ZNF804A: variants seen among roughly 807,000 people sequenced by gnomAD.
ZNF804A encodes the protein zinc finger protein 804A.
ZNF804A carries 2 observed loss-of-function variants against 16.5 expected under a neutral mutation model. That is an observed-to-expected ratio of 0.12 (90% CI 0.05 to 0.38). The LOEUF (loss-of-function observed/expected upper bound fraction) is 0.38, where lower values mean the gene tolerates loss of function less well. Ranked by LOEUF, ZNF804A falls within the 10% of genes least tolerant of loss-of-function variation. The pLI, the probability that ZNF804A is intolerant of heterozygous loss-of-function variation, is 0.99. For synonymous variants in ZNF804A, 534 were observed against 489.6 expected (o/e 1.09, Z -1.20); for missense variants, 1,473 against 1,390.7 (o/e 1.06, Z -0.94).
chr2:184,620,502 A>G (rs1279270224), intron 1 of ZNF804A, among the ~76,000 whole-genome samples: 1 of 151,772 alleles, frequency 6.6e-6, no homozygotes, highest in East Asian at 1.9e-4. Context: ...AAAATTGGCA[A>G]AACGAACTCA....
At chr2:184,812,158 A>C (rs552566047) in intron 1 of ZNF804A, among the ~76,000 whole-genome samples, 2 of 152,340 alleles carry the variant, frequency 1.3e-5, no homozygotes, top group South Asian at 4.1e-4. Context: ...TTTGAATATC[A>C]GTTACCTGGC....
intron 1 of ZNF804A, among the ~76,000 whole-genome samples, chr2:184,858,379 C>T (rs935000862): frequency 1.3e-5 from 2 of 151,670 alleles, no homozygotes; most frequent in African/African-American, 4.8e-5. Flanking sequence ...TGGCACACAT[C>T]TGTAATTCCA....
chr2:184,606,657 C>A (rs1691151329), intron 1 of ZNF804A, among the ~76,000 whole-genome samples: 1 of 152,142 alleles, frequency 6.6e-6, no homozygotes, highest in Admixed American at 6.5e-5. Context: ...GCCTGATAAC[C>A]AGCTGAAAAA....
chr2:184,810,038 G>C (rs1220516359), intron 1 of ZNF804A, among the ~76,000 whole-genome samples: 1 of 152,114 alleles, frequency 6.6e-6, no homozygotes, highest in Non-Finnish European at 1.5e-5. Context: ...TTAGGTTTTT[G>C]TCTGCAGATT....
At chr2:184,722,536 T>C (rs1177547301) in intron 1 of ZNF804A, among the ~76,000 whole-genome samples, 1 of 152,054 alleles carries the variant, frequency 6.6e-6, no homozygotes, top group African/African-American at 2.4e-5. Flanking sequence ...TTTATAATTA[T>C]TGAAGAAAAG....
chr2:184,622,889 G>A lies in ZNF804A; in HGVS notation c.111+23819G>A, dbSNP rs1219168245. On this transcript the variant is annotated intron_variant, in intron 1 of 3. Coordinates refer to ENST00000302277, the MANE Select transcript of ZNF804A (RefSeq NM_194250.2). The stretch of plus-strand genomic sequence containing the variant: ...ACTTGAAAATAGCATTTGAAGAAGA[G>A]GTGCCCACACAACAAAGATATGATA... Among the ~76,000 whole-genome samples, 5 of 152,018 alleles carry A rather than the reference G, an allele frequency of 3.3e-5. No homozygotes were observed. In the East Asian group the frequency reaches 7.7e-4, roughly 23 times the overall value.
Position 184,767,435 on chromosome 2 carries a change from G to A in ZNF804A, c.112-98934G>A, listed in dbSNP as rs117452038. 1.1e-3 allele frequency among the ~76,000 whole-genome samples: 162 copies of A among 152,138 alleles called. 2 individuals are homozygous for A. The East Asian group carries it at 0.015, about 15-fold the overall frequency. ...CACAGAAAGTAGAATGAGTTACCACGGGTTTGTGGAAGGGGGAAATGGAGA... is the reference window on the plus strand; with the variant it reads ...CACAGAAAGTAGAATGAGTTACCACAGGTTTGTGGAAGGGGGAAATGGAGA... On this transcript the variant is annotated intron_variant, in intron 1 of 3. Coordinates refer to ENST00000302277, the MANE Select transcript of ZNF804A (RefSeq NM_194250.2).
intron 1 of ZNF804A, among the ~76,000 whole-genome samples, chr2:184,756,217 G>A (rs1693957216): frequency 1.3e-5 from 2 of 151,086 alleles, no homozygotes; most frequent in African/African-American, 2.4e-5. Context: ...TATTTAAAAG[G>A]GACTTTATTG....
intron 2 of ZNF804A, among the ~76,000 whole-genome samples, chr2:184,891,771 C>T (rs1002448930): frequency 2.6e-5 from 4 of 152,112 alleles, no homozygotes; most frequent in African/African-American, 9.7e-5. Context: ...AAAGAATTAA[C>T]TTTATCCAGT....
chr2:184,670,761 A>G (rs1325984731), intron 1 of ZNF804A, among the ~76,000 whole-genome samples: 1 of 152,076 alleles, frequency 6.6e-6, no homozygotes, highest in Non-Finnish European at 1.5e-5. Context: ...GAGTAAAGAC[A>G]TCTTCTATTG....
chr2:184,752,358 C>T (rs989942172), intron 1 of ZNF804A, among the ~76,000 whole-genome samples: 4 of 151,482 alleles, frequency 2.6e-5, no homozygotes. Flanking sequence ...GGTCATTATC[C>T]TAAGAGAACT....
intron 1 of ZNF804A, among the ~76,000 whole-genome samples, chr2:184,858,653 A>T (rs1695743433): frequency 6.6e-6 from 1 of 152,038 alleles, no homozygotes. Context: ...TGTAATGATA[A>T]TTATTTTAAA....
intron 1 of ZNF804A, among the ~76,000 whole-genome samples, chr2:184,836,115 G>T (rs1357650939): frequency 6.6e-6 from 1 of 152,254 alleles, no homozygotes; most frequent in Admixed American, 6.5e-5. Flanking sequence ...TTACTGGATT[G>T]CTGTAAAGGC....
intron 1 of ZNF804A, among the ~76,000 whole-genome samples, chr2:184,772,843 T>TACCTA (rs1341584786): frequency 6.6e-6 from 1 of 151,020 alleles, no homozygotes; most frequent in African/African-American, 2.4e-5. Context: ...CTAGTGGATG[T>TACCTA]GACATGGTAT....
chr2:184,615,442 T>G (rs1691303860), intron 1 of ZNF804A, among the ~76,000 whole-genome samples: 1 of 152,208 alleles, frequency 6.6e-6, no homozygotes, highest in Non-Finnish European at 1.5e-5. Context: ...GCTGTTGTCC[T>G]GGCATTATTA....
At chr2:184,612,563 T>G (rs1691255328) in intron 1 of ZNF804A, among the ~76,000 whole-genome samples, 1 of 151,636 alleles carries the variant, frequency 6.6e-6, no homozygotes, top group Admixed American at 6.6e-5. Context: ...CTCAGCTGAG[T>G]AGCTGGGATT....
In ZNF804A at chr2:184,938,732, TGCAGCTGCAGCCGCA is replaced by T. The variant is rs1209748759; in HGVS notation, c.3339_3353del (p.Ala1115_Ala1119del). The T allele has an allele frequency of 2.5e-6, 4 of 1,607,264 alleles. No homozygotes were observed. The highest frequency in any genetic ancestry group is 1.7e-4 in the Middle Eastern group (1 of 6,028). On this transcript the variant is annotated inframe_deletion, in exon 4 of 4. Coordinates refer to ENST00000302277, the MANE Select transcript of ZNF804A (RefSeq NM_194250.2). Reference sequence around the variant, plus strand: ...AGCAGCACGCTGCAGCTGCTGCAGCTGCAGCTGCAGCCGCAGCTGCAGGAACCTTTAAAGTGCTTC... The same window carrying T: ...AGCAGCACGCTGCAGCTGCTGCAGCTGCTGCAGGAACCTTTAAAGTGCTTC...
intron 1 of ZNF804A, among the ~76,000 whole-genome samples, chr2:184,758,177 T>C (rs1469070667): frequency 3.9e-5 from 6 of 151,960 alleles, no homozygotes; most frequent in Non-Finnish European, 5.9e-5. Context: ...TCTTAAAGAA[T>C]TGAATGGGGA....
In ZNF804A at chr2:184,909,329, C is replaced by A. The variant is rs147420086; in HGVS notation, c.256-24274C>A. On this transcript the variant is annotated intron_variant, in intron 2 of 3. Coordinates refer to ENST00000302277, the MANE Select transcript of ZNF804A (RefSeq NM_194250.2). Reference sequence around the variant, plus strand: ...TTATTTATATAAATAGGCAAAATTACATGCATTTTAAAATAATTTTAAGCT... The same window carrying A: ...TTATTTATATAAATAGGCAAAATTAAATGCATTTTAAAATAATTTTAAGCT... Among the ~76,000 whole-genome samples the A allele has an allele frequency of 3.3e-3, 495 of 152,164 alleles. 2 individuals are homozygous for A. Among genetic ancestry groups the A allele is most frequent in the African/African-American group, 0.011 (474 of 41,564 alleles).
Sources: gnomAD v4.1 joint callset for allele counts (sites outside exome capture counted in the v4.1 genomes callset) on GRCh38, gnomAD v4.1.1 for gene constraint, MANE v1.5 for transcripts, NCBI Gene and HGNC (gene_info 2026-07-23, HGNC 2026-07-21) for gene names.